Variants in WWOX observed in about 807,000 individuals in gnomAD.
WWOX encodes WW domain containing oxidoreductase.
In WWOX, 69 loss-of-function variants were observed where a neutral mutation model predicts 46.2. That is an observed-to-expected ratio of 1.49 (90% CI 1.23 to 1.82). The LOEUF (loss-of-function observed/expected upper bound fraction) is 1.82. Among genes scored for constraint, WWOX ranks in the 40% most tolerant of loss-of-function variants. WWOX has a pLI of 0.00. For synonymous variants in WWOX, 359 were observed against 202.6 expected (o/e 1.77, Z -6.56); for missense variants, 919 against 542.6 (o/e 1.69, Z -6.89).
intron 8 of WWOX, among the ~76,000 whole-genome samples, chr16:78,656,887 C>G (rs903951708): frequency 8.8e-4 from 134 of 152,296 alleles, no homozygotes; most frequent in African/African-American, 3.1e-3. Context: ...GCTGTAGATA[C>G]ACAGCCGCTC....
chr16:78,810,744 C>T (rs1257234513), intron 8 of WWOX, among the ~76,000 whole-genome samples: 2 of 152,214 alleles, frequency 1.3e-5, no homozygotes, highest in East Asian at 3.9e-4. Flanking sequence ...TTGCTCCCTT[C>T]TGTAGGAATA....
chr16:78,393,619 G>A (rs1380294028), intron 6 of WWOX, among the ~76,000 whole-genome samples: 1 of 152,150 alleles, frequency 6.6e-6, no homozygotes, highest in Non-Finnish European at 1.5e-5. Context: ...TACTTAGATT[G>A]CAGTTACTGG....
At chr16:79,150,301 C>T (rs1334379930) in intron 8 of WWOX, among the ~76,000 whole-genome samples, 1 of 152,178 alleles carries the variant, frequency 6.6e-6, no homozygotes, top group East Asian at 1.9e-4. Context: ...TCACACTAAA[C>T]AAGGGATTTC....
intron 8 of WWOX, among the ~76,000 whole-genome samples, chr16:79,207,706 G>A (rs2051565065): frequency 6.6e-6 from 1 of 152,082 alleles, no homozygotes; most frequent in Non-Finnish European, 1.5e-5. Flanking sequence ...AAACCTGAAA[G>A]CAAAACACGG....
intron 8 of WWOX, among the ~76,000 whole-genome samples, chr16:78,853,710 G>A (rs1372244653): frequency 6.6e-6 from 1 of 152,016 alleles, no homozygotes; most frequent in Non-Finnish European, 1.5e-5. Flanking sequence ...TGCGTGGTGG[G>A]GGTGTAGTGG....
chr16:78,308,433 A>G (rs2080174328), intron 5 of WWOX, among the ~76,000 whole-genome samples: 1 of 152,178 alleles, frequency 6.6e-6, no homozygotes. Flanking sequence ...TTAGCATTAA[A>G]ACAGATCCTA....
At chr16:79,019,665 A>C (rs1017703127) in intron 8 of WWOX, among the ~76,000 whole-genome samples, 2 of 151,660 alleles carry the variant, frequency 1.3e-5, no homozygotes, top group African/African-American at 4.8e-5. Flanking sequence ...TAAGCAAGGG[A>C]GACTCCAACC....
intron 8 of WWOX, among the ~76,000 whole-genome samples, chr16:78,697,040 G>A (rs1041774841): frequency 1.3e-5 from 2 of 152,158 alleles, no homozygotes; most frequent in East Asian, 3.9e-4. Flanking sequence ...TATTTATACC[G>A]TAGTTTCTTT....
rs1398103216 is a variant in WWOX, at chr16:78,349,724, T to C, written c.517-37136T>C. 1.7e-5 allele frequency among the ~76,000 whole-genome samples: 2 copies of C among 118,226 alleles called. 1 individual carries two copies. Among genetic ancestry groups the C allele is most frequent in the Non-Finnish European group, 4.1e-5 (2 of 48,976 alleles). The allele number at this position is 118,226 out of a possible 152,430, so 77.6% of individuals were successfully genotyped here. A position where few individuals can be genotyped will look rare whatever the true frequency, so the allele number is the denominator to read the frequency against. On this transcript the variant is annotated intron_variant, in intron 5 of 8. Coordinates refer to ENST00000566780, the MANE Select transcript of WWOX (RefSeq NM_016373.4). ...TTTGCAATTGTTTCAGTGATTGAAA[T>C]TATGCTTGGAGTGCAGGTGTCACCG...
intron 8 of WWOX, among the ~76,000 whole-genome samples, chr16:79,001,279 C>A (rs79706011): frequency 5.9e-5 from 9 of 152,204 alleles, no homozygotes; most frequent in East Asian, 1.9e-4. Context: ...TCCCCGCCCC[C>A]CTAAATCCAG....
chr16:78,504,749 C>T (rs182515723), intron 8 of WWOX, among the ~76,000 whole-genome samples: 300 of 152,176 alleles, frequency 2.0e-3, no homozygotes, highest in Non-Finnish European at 3.5e-3. Context: ...CTTGGAACCA[C>T]GCCACGGACG....
intron 8 of WWOX, among the ~76,000 whole-genome samples, chr16:78,794,835 G>C (rs1368948468): frequency 6.6e-6 from 1 of 152,236 alleles, no homozygotes; most frequent in Non-Finnish European, 1.5e-5. Flanking sequence ...GCACAGAACT[G>C]CCAACTGTGG....
intron 5 of WWOX, among the ~76,000 whole-genome samples, chr16:78,293,948 G>A (rs904002739): frequency 8.2e-6 from 1 of 122,174 alleles, no homozygotes; most frequent in Non-Finnish European, 1.6e-5. Context: ...CTGCACTCTA[G>A]CCTGGGCGAC....
At chr16:78,971,754 T>A (rs531253137) in intron 8 of WWOX, among the ~76,000 whole-genome samples, 106 of 152,040 alleles carry the variant, frequency 7.0e-4, no homozygotes, top group Non-Finnish European at 5.6e-4. Context: ...TGGCCTTCTT[T>A]TTGTGCTGTT....
At chr16:78,989,525 G>T (rs2046843150) in intron 8 of WWOX, among the ~76,000 whole-genome samples, 1 of 152,178 alleles carries the variant, frequency 6.6e-6, no homozygotes, top group African/African-American at 2.4e-5. Flanking sequence ...AGTGGGGCCA[G>T]CAGTGGACTC....
intron 8 of WWOX, among the ~76,000 whole-genome samples, chr16:79,059,052 G>C (rs2048315011): frequency 1.3e-5 from 2 of 152,180 alleles, no homozygotes; most frequent in Non-Finnish European, 2.9e-5. Context: ...ATTGTTATCA[G>C]TCATAAGCTT....
chr16:78,155,843 T>C (rs980146770), intron 4 of WWOX, among the ~76,000 whole-genome samples: 17 of 152,252 alleles, frequency 1.1e-4, no homozygotes, highest in Admixed American at 6.5e-5. Flanking sequence ...TGAGGGATGT[T>C]ATTCTCTTGG....
At chr16:78,309,196 G>A (rs113409555) in intron 5 of WWOX, among the ~76,000 whole-genome samples, 3,424 of 152,302 alleles carry the variant, frequency 0.022, 115 homozygotes, top group African/African-American at 0.078. Flanking sequence ...CCAGGTGGAT[G>A]TAATTGAATC....
At chr16:78,545,256 G>T (rs562116721) in intron 8 of WWOX, among the ~76,000 whole-genome samples, 8 of 152,258 alleles carry the variant, frequency 5.3e-5, no homozygotes, top group African/African-American at 1.9e-4. Flanking sequence ...TGAATGTCCA[G>T]CCCCAACTCA....
Sources: allele counts gnomAD v4.1 joint callset (sites outside exome capture counted in the v4.1 genomes callset), GRCh38; gene constraint gnomAD v4.1.1; transcripts MANE v1.5; gene names NCBI Gene and HGNC (gene_info 2026-07-23, HGNC 2026-07-21).